LINC00632: variants seen among roughly 807,000 people sequenced by gnomAD.
LINC00632 encodes long independently transcribed non-coding RNA 632.
chrX:140,773,842 C>T (rs1931840263), exon 4 of LINC00632, among the ~76,000 whole-genome samples: 1 of 111,876 alleles, frequency 8.9e-6, no homozygotes, highest in Non-Finnish European at 1.9e-5. Flanking sequence ...ATTTTGACTA[C>T]CTGAAGATCT....
chrX:140,768,605 A>G, intron 3 of LINC00632, among the ~76,000 whole-genome samples: 1 of 94,620 alleles, frequency 1.1e-5, no homozygotes, highest in South Asian at 4.8e-4. Flanking sequence ...ATATATAAAT[A>G]TATATTTATC....
chrX:140,711,125 A>C (rs1008543056), intron 1 of LINC00632, among the ~76,000 whole-genome samples: 1 of 111,563 alleles, frequency 9.0e-6, no homozygotes, highest in Non-Finnish European at 1.9e-5. Context: ...CTTTGCTTCT[A>C]CGCCTTCCTC....
At chrX:140,774,326 C>CT (rs903371863) in intron 4 of LINC00632, among the ~76,000 whole-genome samples, 6 of 112,304 alleles carry the variant, frequency 5.3e-5, no homozygotes, top group Non-Finnish European at 1.1e-4. Flanking sequence ...TAGATGATTA[C>CT]TTACAATCCT....
chrX:140,760,576 GCCTTACCAACA>G, intron 3 of LINC00632, among the ~76,000 whole-genome samples: 2 of 111,680 alleles, frequency 1.8e-5, no homozygotes, highest in African/African-American at 6.5e-5. Flanking sequence ...TTCAAGACTA[GCCTTACCAACA>G]TGGAGAAACC....
Position 140,768,734 on chromosome X carries a change from TTAAA to T in LINC00632, n.192-3341_192-3338del, listed in dbSNP as rs765607074. Among the ~76,000 whole-genome samples, 437 of 99,219 alleles carry T rather than the reference TTAAA, an allele frequency of 4.4e-3. 2 individuals carry two copies. The highest frequency in any genetic ancestry group is 0.022 in the South Asian group (55 of 2,472). 86.2% of individuals were successfully genotyped at this position (99,219 alleles called of 115,157 possible). ...AATATATATTTAATTAAATATATAA[TTAAA>T]TATATAACATATTTATCATATATAA... On this transcript the variant is annotated intron_variant and non_coding_transcript_variant, in intron 3 of 4. Coordinates refer to ENST00000648200, the Ensembl canonical transcript of LINC00632.
exon 5 of LINC00632, among the ~76,000 whole-genome samples, chrX:140,785,226 C>T (rs1405852357): frequency 3.6e-5 from 4 of 110,598 alleles, no homozygotes; most frequent in African/African-American, 1.3e-4. Flanking sequence ...CAACACTTAA[C>T]ATAGCATTTG....
At position 140,710,447 on chromosome X, in the gene LINC00632, C is replaced by T. The variant is rs1028620974; in HGVS notation, n.68+642C>T. On this transcript the variant is annotated intron_variant and non_coding_transcript_variant, in intron 1 of 4. Transcript: ENST00000648200. ...AAAAAGTAATAATGAATATTATGAT[C>T]GTGCTTTCATTGGAAAAAATTAATT... Among the ~76,000 whole-genome samples the T allele has an allele frequency of 5.5e-5, 6 of 109,949 alleles. No individual in the cohort carries two copies. In the Admixed American group the frequency reaches 5.9e-4, roughly 11 times the overall value.
chrX:140,736,439 T>C (rs987989997), intron 3 of LINC00632, among the ~76,000 whole-genome samples: 17 of 98,096 alleles, frequency 1.7e-4, no homozygotes, highest in Non-Finnish European at 2.6e-4. Context: ...TCTTCTTCTT[T>C]TTTTTTTTTT....
chrX:140,723,581 C>T, intron 2 of LINC00632, among the ~76,000 whole-genome samples: 1 of 73,685 alleles, frequency 1.4e-5, no homozygotes. Context: ...CATACACACA[C>T]ACACATTCCA....
At chrX:140,765,179 T>C (rs1276410615) in intron 3 of LINC00632, among the ~76,000 whole-genome samples, 1 of 111,864 alleles carries the variant, frequency 8.9e-6, no homozygotes, top group East Asian at 2.8e-4. Flanking sequence ...TCTGAAGTGA[T>C]TCCCTCCTCT....
intron 2 of LINC00632, among the ~76,000 whole-genome samples, chrX:140,712,690 T>G (rs1930543785): frequency 9.0e-6 from 1 of 110,504 alleles, no homozygotes; most frequent in Non-Finnish European, 1.9e-5. Context: ...GCTCAAGACA[T>G]AAGGCAAGGA....
intron 3 of LINC00632, among the ~76,000 whole-genome samples, chrX:140,754,075 G>C (rs1931456187): frequency 9.0e-6 from 1 of 111,647 alleles, no homozygotes; most frequent in Non-Finnish European, 1.9e-5. Context: ...CGTCCGGCTA[G>C]CTCCTATATT....
exon 5 of LINC00632, among the ~76,000 whole-genome samples, chrX:140,778,372 C>T (rs1014730102): frequency 2.7e-5 from 3 of 111,188 alleles, no homozygotes; most frequent in East Asian, 5.7e-4. Context: ...TTTGGGAGGC[C>T]GAGGCGGGCA....
chrX:140,758,399 G>A (rs867503424), intron 3 of LINC00632, among the ~76,000 whole-genome samples: 201 of 81,623 alleles, frequency 2.5e-3, no homozygotes, highest in African/African-American at 8.1e-3. Flanking sequence ...TTTTGACAGA[G>A]TTTTGCTCTT....
chrX:140,729,180 C>G (rs1422618122), intron 2 of LINC00632, among the ~76,000 whole-genome samples: 1 of 110,963 alleles, frequency 9.0e-6, no homozygotes, highest in Non-Finnish European at 1.9e-5. Context: ...TATACAAACA[C>G]AACCTTCGCC....
At chrX:140,763,240 A>G (rs2148397563) in intron 3 of LINC00632, among the ~76,000 whole-genome samples, 1 of 110,326 alleles carries the variant, frequency 9.1e-6, no homozygotes, top group South Asian at 3.9e-4. Flanking sequence ...TATTAAAACA[A>G]AAAAATACAA....
At chrX:140,739,468 G>A (rs1660394325) in intron 3 of LINC00632, among the ~76,000 whole-genome samples, 1 of 110,808 alleles carries the variant, frequency 9.0e-6, no homozygotes, top group African/African-American at 3.3e-5. Flanking sequence ...TGATCTGCCT[G>A]CCTTGGCCTC....
intron 3 of LINC00632, among the ~76,000 whole-genome samples, chrX:140,749,437 T>C (rs1471350960): frequency 9.0e-6 from 1 of 111,325 alleles, no homozygotes; most frequent in Non-Finnish European, 1.9e-5. Context: ...ATTTTTAAAA[T>C]AGTGAATAAC....
intron 2 of LINC00632, chrX:140,716,136 G>A (rs1292227078): frequency 1.8e-5 from 2 of 111,839 alleles, no homozygotes; most frequent in African/African-American, 6.5e-5. Context: ...TTTCCATCAC[G>A]GTGGACAGAC....
Sources: allele counts gnomAD v4.1 joint callset (sites outside exome capture counted in the v4.1 genomes callset), GRCh38; gene constraint gnomAD v4.1.1; transcripts MANE v1.5; gene names NCBI Gene and HGNC (gene_info 2026-07-23, HGNC 2026-07-21).